Variants in PCDHGB3 observed in about 807,000 individuals in gnomAD.
PCDHGB3 encodes the protein protocadherin gamma subfamily B, 3.
Under a neutral mutation model 59.2 loss-of-function variants are expected in PCDHGB3, and 40 were observed. The ratio of observed to expected loss-of-function variants is 0.68; its 90% CI spans 0.52 to 0.88. The LOEUF is 0.88. Ranked by LOEUF, PCDHGB3 falls within the 40% of genes least tolerant of loss-of-function variation. PCDHGB3 has a pLI of 0.00. For synonymous variants in PCDHGB3, 581 were observed against 503.6 expected (o/e 1.15, Z -2.06); for missense variants, 1,309 against 1,187.9 (o/e 1.10, Z -1.50).
At position 141,371,983 on chromosome 5, in the gene PCDHGB3, T is replaced by C. The variant is rs1411843900; in HGVS notation, c.1589T>C (p.Leu530Pro). The C allele has an allele frequency of 2.5e-6, 4 of 1,613,106 alleles. No homozygotes were observed. The highest frequency in any genetic ancestry group is 3.4e-6 in the Non-Finnish European group (4 of 1,179,764). Residue 530 changes from leucine (L) to proline (P), a missense_variant, in exon 1 of 4, where the codon CTC (leucine) becomes CCC (proline). Transcript: ENST00000576222. The part of the protein sequence containing the change: ...FDHEQLRAFE[L>P]TLQARDQGSP... ...CACGAGCAGCTGCGTGCCTTCGAGC[T>C]CACTCTGCAGGCCCGCGACCAGGGC... is the stretch of plus-strand genomic sequence containing the variant.
intron 1 of PCDHGB3, chr5:141,395,489 A>T: frequency 4.2e-6 from 2 of 480,562 alleles, no homozygotes; most frequent in Non-Finnish European, 3.6e-6. Flanking sequence ...TCCTATTATC[A>T]CTCATTCACT....
chr5:141,473,894 T>C (rs1224416966), intron 1 of PCDHGB3, among the ~76,000 whole-genome samples: 1 of 152,134 alleles, frequency 6.6e-6, no homozygotes, highest in Non-Finnish European at 1.5e-5. Context: ...GTTCTGTTGG[T>C]TCATGAAGAG....
chr5:141,390,098 C>A (rs2092044435), intron 1 of PCDHGB3: 1 of 1,613,924 alleles, frequency 6.2e-7, no homozygotes, highest in Non-Finnish European at 8.5e-7. Context: ...CCGTGGTTCC[C>A]CCCAACTACA....
intron 1 of PCDHGB3, chr5:141,403,381 C>T (rs1022563452): frequency 4.3e-6 from 7 of 1,614,038 alleles, no homozygotes; most frequent in Non-Finnish European, 8.5e-7. Context: ...TAAAAATTAA[C>T]GAAATCGCGG....
At position 141,487,116 on chromosome 5, in the gene PCDHGB3, A is replaced by G. The variant is rs749256818; in HGVS notation, c.2416-7691A>G. On this transcript the variant is annotated intron_variant, in intron 1 of 3. Transcript: ENST00000576222. This position sits in a 1 kb window ranked among gnomAD's most constrained non-coding sequence, Gnocchi z 5.0. ...CCACAGAAGCTGGTCATTGTGGTAA[A>G]GGATAGTGGTAGTCCACCACTCTCT... The G allele has an allele frequency of 3.1e-6, 5 of 1,614,022 alleles. No individual in the cohort carries two copies.
intron 1 of PCDHGB3, chr5:141,398,353 A>G: frequency 2.9e-6 from 4 of 1,397,978 alleles, no homozygotes; most frequent in Non-Finnish European, 4.0e-6. Flanking sequence ...GCCTTACTTC[A>G]CCGTGAGCGC....
Position 141,490,611 on chromosome 5 carries a change from G to GCTTTA in PCDHGB3, c.2416-4194_2416-4190dup. On this transcript the variant is annotated intron_variant, in intron 1 of 3. Coordinates refer to ENST00000576222, the MANE Select transcript of PCDHGB3 (RefSeq NM_018924.5). The surrounding 1 kb of genome is among the most constrained non-coding windows in gnomAD (Gnocchi z 5.4). The stretch of plus-strand genomic sequence containing the variant: ...ACAATGCACCCCGCTTCAACCAGCA[G>GCTTTA]CTTTACACTGCTTACATCCTAGAAA... 6.2e-7 allele frequency: 1 copy of GCTTTA among 1,614,170 alleles called. No individual in the cohort carries two copies. Among genetic ancestry groups the GCTTTA allele is most frequent in the Non-Finnish European group, 8.5e-7 (1 of 1,180,036 alleles).
chr5:141,439,297 G>T (rs1252051365), intron 1 of PCDHGB3, among the ~76,000 whole-genome samples: 1 of 152,064 alleles, frequency 6.6e-6, no homozygotes, highest in African/African-American at 2.4e-5. Context: ...CATGGAAAAA[G>T]TAAAGCCCAG....
intron 1 of PCDHGB3, among the ~76,000 whole-genome samples, chr5:141,406,302 C>T (rs897412289): frequency 1.3e-4 from 20 of 152,020 alleles, no homozygotes; most frequent in African/African-American, 4.8e-4. Context: ...GAGGTGTGAA[C>T]CACCTCACCC....
chr5:141,492,934 G>A (rs1382515835), intron 1 of PCDHGB3, among the ~76,000 whole-genome samples: 7 of 152,236 alleles, frequency 4.6e-5, no homozygotes, highest in Admixed American at 4.6e-4. Flanking sequence ...TAGGGTCAGA[G>A]ATTTGGAGGT....
intron 1 of PCDHGB3, among the ~76,000 whole-genome samples, chr5:141,373,529 AG>A (rs1769656388): frequency 6.6e-6 from 1 of 152,196 alleles, no homozygotes; most frequent in African/African-American, 2.4e-5. Context: ...TCTCCAAAAA[AG>A]TGTTTGTGGT....
At chr5:141,427,570 C>A in intron 1 of PCDHGB3, 1 of 662,270 alleles carries the variant, frequency 1.5e-6, no homozygotes, top group Non-Finnish European at 2.8e-6. Flanking sequence ...GGCAAGCCTC[C>A]GCTCTCATCC....
intron 2 of PCDHGB3, among the ~76,000 whole-genome samples, chr5:141,501,026 G>A (rs1053442173): frequency 7.9e-5 from 12 of 151,608 alleles, no homozygotes; most frequent in Non-Finnish European, 1.5e-4. Flanking sequence ...GCGCCACCAC[G>A]CCCAGCTAAT....
chr5:141,446,253 A>T (rs1452074783), intron 1 of PCDHGB3, among the ~76,000 whole-genome samples: 3 of 152,164 alleles, frequency 2.0e-5, no homozygotes, highest in African/African-American at 7.2e-5. Context: ...CTTCAGTGAA[A>T]TATTATTAAC....
chr5:141,384,973 T>C, intron 1 of PCDHGB3: 1 of 1,613,956 alleles, frequency 6.2e-7, no homozygotes, highest in Non-Finnish European at 8.5e-7. Flanking sequence ...CCTCACGTTG[T>C]ACCTGGTGGT....
At chr5:141,373,455 A>T (rs1561559553) in intron 1 of PCDHGB3, among the ~76,000 whole-genome samples, 1 of 152,204 alleles carries the variant, frequency 6.6e-6, no homozygotes, top group Non-Finnish European at 1.5e-5. Flanking sequence ...CCCAGGAGGT[A>T]GCAGCTGCAA....
rs369551410 is a variant in PCDHGB3, at chr5:141,415,294, G to A, written c.2415+42485G>A. ...GGTAGCGGTGGCCGCGGTCTCCTGC[G>A]TCTTCCTGGCCTTCGTCATCGTGCT... On this transcript the variant is annotated intron_variant, in intron 1 of 3. Transcript: ENST00000576222. 10 of 1,614,050 alleles carry A rather than the reference G, an allele frequency of 6.2e-6. No homozygotes were observed. In the African/African-American group the frequency reaches 1.1e-4, roughly 17 times the overall value.
intron 1 of PCDHGB3, among the ~76,000 whole-genome samples, chr5:141,461,978 C>T (rs888687367): frequency 2.6e-5 from 4 of 152,216 alleles, no homozygotes; most frequent in African/African-American, 9.6e-5. Flanking sequence ...CATATGCCAC[C>T]ACGCCAGGCT....
chr5:141,417,683 A>AAG lies in PCDHGB3; in HGVS notation c.2415+44875_2415+44876insGA, dbSNP rs201105096. 3.0e-3 allele frequency: 3,154 copies of AAG among 1,038,272 alleles called. 110 individuals carry two copies. In the East Asian group the frequency reaches 0.071, roughly 24 times the overall value. The allele number at this position is 1,038,272 out of a possible 1,614,324, so 64.3% of individuals were successfully genotyped here. The stretch of plus-strand genomic sequence containing the variant: ...GATTCCCTGCGCAGCCAACAACAGA[A>AAG]AAGAAAACCAGCTCCCACACAGAGG... On this transcript the variant is annotated intron_variant, in intron 1 of 3. Transcript: ENST00000576222.
Sources: allele counts gnomAD v4.1 joint callset (sites outside exome capture counted in the v4.1 genomes callset), GRCh38; gene constraint gnomAD v4.1.1; non-coding constraint Gnocchi (gnomAD v3.1); transcripts MANE v1.5; gene names NCBI Gene and HGNC (gene_info 2026-07-23, HGNC 2026-07-21).